HTR4: variants seen among roughly 807,000 people sequenced by gnomAD.
HTR4 encodes 5-hydroxytryptamine (serotonin) receptor 4, G protein-coupled.
HTR4 carries 16 observed loss-of-function variants against 36.8 expected under a neutral mutation model. The observed-to-expected ratio is 0.43, with a 90% CI of 0.29 to 0.66. HTR4 has a LOEUF of 0.66. Among genes scored for constraint, HTR4 ranks in the 30% least tolerant of loss-of-function variants. The probability of loss-of-function intolerance (pLI) is 0.13; values close to 1 mark genes in which losing one functional copy is unlikely to be tolerated. For missense variants in HTR4, 438 were observed against 490.9 expected, an observed-to-expected ratio of 0.89 and a Z score of 1.02; for synonymous variants, 189 against 185.1, an observed-to-expected ratio of 1.02 and a Z score of -0.17.
chr5:148,566,699 G>C (rs573976504), intron 2 of HTR4, among the ~76,000 whole-genome samples: 1 of 152,102 alleles, frequency 6.6e-6, no homozygotes, highest in Non-Finnish European at 1.5e-5. Flanking sequence ...ATATGTATGT[G>C]ATACACATAC....
chr5:148,566,503 G>C (rs1022924838), intron 2 of HTR4, among the ~76,000 whole-genome samples: 8 of 152,114 alleles, frequency 5.3e-5, no homozygotes, highest in African/African-American at 1.9e-4. Context: ...CCAGGACAAA[G>C]TGAAAAGCAA....
At chr5:148,465,963 G>A (rs748839435) in intron 5 of HTR4, 1 of 1,590,742 alleles carries the variant, frequency 6.3e-7, no homozygotes, top group Non-Finnish European at 8.5e-7. Context: ...AGATGAGGGA[G>A]AGCCAAGCAG....
intron 2 of HTR4, among the ~76,000 whole-genome samples, chr5:148,588,364 G>A (rs1761425679): frequency 6.6e-6 from 1 of 152,116 alleles, no homozygotes; most frequent in Non-Finnish European, 1.5e-5. Context: ...ATGATTATGA[G>A]AAAAAGCTCA....
intron 1 of HTR4, among the ~76,000 whole-genome samples, chr5:148,646,884 T>G (rs1186954515): frequency 2.0e-5 from 3 of 152,210 alleles, no homozygotes; most frequent in Non-Finnish European, 4.4e-5. Context: ...GAGTTTTAAC[T>G]ACTAAGTTAT....
chr5:148,581,022 CT>C (rs35230103), intron 2 of HTR4, among the ~76,000 whole-genome samples: 84,786 of 148,936 alleles, frequency 0.57, 25,132 homozygotes, highest in African/African-American at 0.77. Context: ...CATTTGCTGT[CT>C]TTTTTTTTTT....
intron 6 of HTR4, among the ~76,000 whole-genome samples, chr5:148,507,202 G>T (rs9687976): frequency 6.6e-5 from 10 of 151,626 alleles, no homozygotes; most frequent in East Asian, 1.9e-4. Context: ...CCATAAAAAA[G>T]GATGAGTTCA....
At chr5:148,490,694 T>C in intron 6 of HTR4, 1 of 1,209,530 alleles carries the variant, frequency 8.3e-7, no homozygotes, top group Non-Finnish European at 1.0e-6. Flanking sequence ...GGTCATCCAA[T>C]TGTCTCCTTC....
chr5:148,521,938 C>A (rs75055311), intron 5 of HTR4, among the ~76,000 whole-genome samples: 4,908 of 152,216 alleles, frequency 0.032, 116 homozygotes, highest in Non-Finnish European at 0.051. Context: ...TTGGCTGTGT[C>A]CCCACCCAAA....
intron 6 of HTR4, among the ~76,000 whole-genome samples, chr5:148,506,144 C>A (rs1313396611): frequency 6.6e-6 from 1 of 152,150 alleles, no homozygotes; most frequent in African/African-American, 2.4e-5. Context: ...CTACAGTCAG[C>A]AAAACAGCAT....
intron 2 of HTR4, among the ~76,000 whole-genome samples, chr5:148,574,095 G>A (rs893663443): frequency 1.3e-5 from 2 of 152,028 alleles, no homozygotes; most frequent in African/African-American, 4.8e-5. Context: ...CCGCAGGAGG[G>A]CAAAGCACAT....
intron 2 of HTR4, among the ~76,000 whole-genome samples, chr5:148,568,762 C>T (rs374712441): frequency 3.9e-5 from 6 of 152,014 alleles, no homozygotes; most frequent in Admixed American, 6.6e-5. Flanking sequence ...GCAGTATGTT[C>T]GAAATTTTTG....
chr5:148,535,498 T>C (rs1302451035), intron 4 of HTR4, among the ~76,000 whole-genome samples: 1 of 152,108 alleles, frequency 6.6e-6, no homozygotes, highest in Non-Finnish European at 1.5e-5. Context: ...AATAAAATGA[T>C]ACAGAAGCTG....
chr5:148,599,306 G>C (rs2127266768), intron 2 of HTR4, among the ~76,000 whole-genome samples: 1 of 152,156 alleles, frequency 6.6e-6, no homozygotes, highest in Non-Finnish European at 1.5e-5. Flanking sequence ...TCAATACAAA[G>C]TAAAAGTAAG....
At chr5:148,508,321 T>G in intron 6 of HTR4, among the ~76,000 whole-genome samples, 1 of 152,180 alleles carries the variant, frequency 6.6e-6, no homozygotes, top group Non-Finnish European at 1.5e-5. Flanking sequence ...TGCTACAGGA[T>G]GAATGTATTT....
At chr5:148,502,239 G>C (rs539341293) in intron 6 of HTR4, among the ~76,000 whole-genome samples, 35 of 152,260 alleles carry the variant, frequency 2.3e-4, no homozygotes, top group African/African-American at 8.2e-4. Context: ...TAACTGGGAG[G>C]CACCTCCAAG....
chr5:148,494,073 G>A (rs1393571329), intron 6 of HTR4, among the ~76,000 whole-genome samples: 1 of 152,172 alleles, frequency 6.6e-6, no homozygotes, highest in Non-Finnish European at 1.5e-5. Context: ...TTTAAAAGGG[G>A]AATTCTGATG....
intron 2 of HTR4, among the ~76,000 whole-genome samples, chr5:148,554,199 C>T (rs1450301436): frequency 6.6e-6 from 1 of 152,078 alleles, no homozygotes; most frequent in Non-Finnish European, 1.5e-5. Context: ...CCTCGGGCTT[C>T]CAAGTAGCTG....
intron 3 of HTR4, among the ~76,000 whole-genome samples, chr5:148,549,372 A>C (rs1332017327): frequency 6.6e-6 from 1 of 152,244 alleles, no homozygotes; most frequent in Non-Finnish European, 1.5e-5. Context: ...AACACTGGTC[A>C]GAATTGCGCT....
intron 1 of HTR4, among the ~76,000 whole-genome samples, chr5:148,637,353 T>A (rs1160531170): frequency 6.6e-6 from 1 of 152,206 alleles, no homozygotes; most frequent in African/African-American, 2.4e-5. Context: ...TGGCTTATTT[T>A]TATGATCTGC....
Sources: gnomAD v4.1 joint callset for allele counts (sites outside exome capture counted in the v4.1 genomes callset) on GRCh38, gnomAD v4.1.1 for gene constraint, MANE v1.5 for transcripts, NCBI Gene and HGNC (gene_info 2026-07-23, HGNC 2026-07-21) for gene names.